Variants in PTH2R observed in about 807,000 individuals in gnomAD.
The protein encoded by PTH2R is parathyroid hormone 2 receptor.
In PTH2R, 59 loss-of-function variants were observed where a neutral mutation model predicts 60.3. The ratio of observed to expected loss-of-function variants is 0.98; its 90% confidence interval spans 0.79 to 1.22. The LOEUF (loss-of-function observed/expected upper bound fraction) is 1.22, where lower values mean the gene tolerates loss of function less well. PTH2R is among the 50% of genes most tolerant of loss of function. PTH2R has a pLI of 0.00. For missense variants in PTH2R, 749 were observed against 682.6 expected (o/e 1.10, Z -1.08); for synonymous variants, 256 against 243.8 (o/e 1.05, Z -0.47).
chr2:208,360,039 G>C, exon 1 of PTH2R: 2 of 340,180 alleles, frequency 5.9e-6, no homozygotes, highest in Non-Finnish European at 1.2e-5. Context: ...TTTTGGGTCG[G>C]AGAGGAATTA....
At chr2:208,442,602 T>A in intron 5 of PTH2R, 141 bp downstream of exon 5, 1 of 670,898 alleles carries the variant, frequency 1.5e-6, no homozygotes. Flanking sequence ...TTATGTTATT[T>A]GACAATTAAT....
At chr2:208,425,373 A>G (rs1368848855) in intron 1 of PTH2R, among the ~76,000 whole-genome samples, 1 of 152,186 alleles carries the variant, frequency 6.6e-6, no homozygotes, top group Non-Finnish European at 1.5e-5. Flanking sequence ...GTTCCATGCC[A>G]GTTTACCATT....
At position 208,458,119 on chromosome 2, in the gene PTH2R, G is replaced by A. The variant is rs151144318; in HGVS notation, c.915-1776G>A. ...TCATTTCTGTGCTATTTATTCCAGTGTAAGATCTTTACTAGTACAAACCAG... is the reference window on the plus strand; with the variant it reads ...TCATTTCTGTGCTATTTATTCCAGTATAAGATCTTTACTAGTACAAACCAG... On this transcript the variant is annotated intron_variant, in intron 8 of 12. Transcript: ENST00000272847. Among the ~76,000 whole-genome samples the A allele has an allele frequency of 1.5e-4, 23 of 152,250 alleles. No individual in the cohort carries two copies. In the East Asian group the frequency reaches 4.4e-3, roughly 29 times the overall value.
chr2:208,362,390 GATAA>G (rs1700492688), intron 1 of PTH2R, among the ~76,000 whole-genome samples: 2 of 151,984 alleles, frequency 1.3e-5, no homozygotes, highest in African/African-American at 4.8e-5. Context: ...CAATCCCATA[GATAA>G]ATAGATGTCT....
At chr2:208,383,327 C>T (rs996381477) in intron 1 of PTH2R, among the ~76,000 whole-genome samples, 8 of 152,072 alleles carry the variant, frequency 5.3e-5, no homozygotes, top group Non-Finnish European at 8.8e-5. Context: ...CAGTGTATCT[C>T]GTGTCTCTGC....
chr2:208,434,561 T>C (rs1220001958), intron 2 of PTH2R, among the ~76,000 whole-genome samples: 2 of 152,254 alleles, frequency 1.3e-5, no homozygotes, highest in Admixed American at 6.5e-5. Context: ...TATATAATTA[T>C]AGAATAAACT....
At chr2:208,458,727 G>A (rs944054532) in intron 8 of PTH2R, among the ~76,000 whole-genome samples, 6 of 152,100 alleles carry the variant, frequency 3.9e-5, no homozygotes, top group Non-Finnish European at 7.4e-5. Flanking sequence ...GTGTTAGTTT[G>A]CTAAGGATGA....
At chr2:208,394,023 T>G (rs1701159149) in intron 1 of PTH2R, among the ~76,000 whole-genome samples, 1 of 152,200 alleles carries the variant, frequency 6.6e-6, no homozygotes, top group Non-Finnish European at 1.5e-5. Context: ...TGGGCTTGCC[T>G]GTTGTGGCTG....
At position 208,398,977 on chromosome 2, in the gene PTH2R, G is replaced by A. The variant is rs377277928; in HGVS notation, c.-258-29224G>A. 5.3e-4 allele frequency among the ~76,000 whole-genome samples: 80 copies of A among 152,308 alleles called. 1 individual carries two copies. The highest frequency in any genetic ancestry group is 8.8e-4 in the Non-Finnish European group (60 of 68,020). ...ACCCTATTCTCATGCAGTAGGATAA[G>A]TTTTAGATTTAATAGACAAGCTTCT... On this transcript the variant is annotated intron_variant, in intron 1 of 12. Transcript: ENST00000617735.
chr2:208,370,437 C>T (rs1334055325), intron 1 of PTH2R, among the ~76,000 whole-genome samples: 5 of 76,150 alleles, frequency 6.6e-5, no homozygotes, highest in African/African-American at 2.7e-4. Context: ...AACGAGACTC[C>T]GTCTCAAAAA....
At chr2:208,394,666 A>C (rs144223573) in intron 1 of PTH2R, among the ~76,000 whole-genome samples, 1,794 of 152,184 alleles carry the variant, frequency 0.012, 15 homozygotes, top group Non-Finnish European at 0.018. Context: ...TCTCAAGAAA[A>C]ACTACGTAAT....
intron 1 of PTH2R, among the ~76,000 whole-genome samples, chr2:208,378,256 C>G (rs6435460): frequency 0.99 from 147,383 of 149,324 alleles, 72,776 homozygotes; most frequent in Middle Eastern, 1. Flanking sequence ...ACCTGCAATC[C>G]CAGGCACTCG....
intron 1 of PTH2R, among the ~76,000 whole-genome samples, chr2:208,424,981 A>G (rs1359320945): frequency 6.6e-6 from 1 of 152,176 alleles, no homozygotes; most frequent in Non-Finnish European, 1.5e-5. Flanking sequence ...AGGCCAAGAA[A>G]CTAAGCAAAT....
chr2:208,489,168 G>A lies in PTH2R; in HGVS notation c.1215+18G>A. 2 of 1,613,316 alleles carry A rather than the reference G, an allele frequency of 1.2e-6. No individual in the cohort carries two copies. The highest frequency in any genetic ancestry group is 1.7e-6 in the Non-Finnish European group (2 of 1,179,644). On this transcript the variant is annotated intron_variant, in intron 11 of 12. Transcript: ENST00000272847. The stretch of plus-strand genomic sequence containing the variant: ...CCTTTCAGGTAAAGGGTGCTGCCTA[G>A]TCATCTGATTCTTGTAATTTGCAGT...
chr2:208,423,307 T>C (rs565716273), intron 1 of PTH2R, among the ~76,000 whole-genome samples: 293 of 152,356 alleles, frequency 1.9e-3, no homozygotes, highest in Non-Finnish European at 3.6e-3. Flanking sequence ...TTCAGTTCAA[T>C]GTACTTTTGA....
intron 9 of PTH2R, among the ~76,000 whole-genome samples, chr2:208,480,533 T>C (rs941155385): frequency 2.0e-5 from 3 of 152,140 alleles, no homozygotes; most frequent in East Asian, 1.9e-4. Context: ...TTCACACTTA[T>C]AACATTCAAA....
chr2:208,373,533 G>A (rs1700740836), intron 1 of PTH2R, among the ~76,000 whole-genome samples: 1 of 152,094 alleles, frequency 6.6e-6, no homozygotes, highest in South Asian at 2.1e-4. Context: ...GACACTGTCT[G>A]CTCTTATATG....
intron 1 of PTH2R, among the ~76,000 whole-genome samples, chr2:208,416,673 G>A (rs1280726881): frequency 6.6e-6 from 1 of 152,230 alleles, no homozygotes; most frequent in Admixed American, 6.5e-5. Flanking sequence ...TTCCCAAGGA[G>A]ATTAACATTT....
At chr2:208,425,889 G>A (rs1701848129) in intron 1 of PTH2R, among the ~76,000 whole-genome samples, 3 of 152,176 alleles carry the variant, frequency 2.0e-5, no homozygotes, top group Admixed American at 6.5e-5. Context: ...CCACCATGTT[G>A]TCTTCCAGGA....
Sources: gnomAD v4.1 joint callset for allele counts (sites outside exome capture counted in the v4.1 genomes callset) on GRCh38, gnomAD v4.1.1 for gene constraint, MANE v1.5 for transcripts, NCBI Gene and HGNC (gene_info 2026-07-23, HGNC 2026-07-21) for gene names.